Variants in SLC18B1 observed in about 807,000 individuals in gnomAD.
SLC18B1 encodes MFS-type transporter SLC18B1.
Under a neutral mutation model 53.9 loss-of-function variants are expected in SLC18B1, and 62 were observed. That is an observed-to-expected ratio of 1.15 (90% CI 0.94 to 1.42). SLC18B1 has a LOEUF of 1.42. Among genes scored for constraint, SLC18B1 ranks in the 40% most tolerant of loss-of-function variants. The pLI, the probability that SLC18B1 is intolerant of heterozygous loss-of-function variation, is 0.00. For synonymous variants in SLC18B1, 217 were observed against 200.9 expected (o/e 1.08, Z -0.68); for missense variants, 598 against 547.3 (o/e 1.09, Z -0.93).
Position 132,784,169 on chromosome 6 carries a change from T to A in SLC18B1, c.502-80A>T, listed in dbSNP as rs1035078423. 2.1e-5 allele frequency: 25 copies of A among 1,201,154 alleles called. No individual in the cohort carries two copies. In the Admixed American group the frequency reaches 6.9e-4, roughly 33 times the overall value. 74.4% of individuals were successfully genotyped at this position (1,201,154 alleles called of 1,614,324 possible). ...ATGGTACTATCTTTAAAAAAATTTC[T>A]ATCTTCTTCATAATTTACATACACA... On this transcript the variant is annotated intron_variant, in intron 5 of 13. Transcript: ENST00000275227.
chr6:132,777,050 T>A (rs1781116049), intron 7 of SLC18B1, among the ~76,000 whole-genome samples: 1 of 152,000 alleles, frequency 6.6e-6, no homozygotes, highest in African/African-American at 2.4e-5. Flanking sequence ...GGAAACCCCA[T>A]CTCTACTAAA....
At chr6:132,789,553 G>A (rs77080348) in intron 4 of SLC18B1, 29 of 463,144 alleles carry the variant, frequency 6.3e-5, no homozygotes, top group African/African-American at 5.4e-4. Context: ...TCAGTAGCAA[G>A]CATCACGGAG....
At chr6:132,777,677 G>A (rs986993148) in intron 7 of SLC18B1, among the ~76,000 whole-genome samples, 8 of 152,302 alleles carry the variant, frequency 5.3e-5, no homozygotes, top group South Asian at 2.1e-4. Flanking sequence ...TCGTGCCATT[G>A]CACTCCAGCC....
rs2114656491 is a variant in SLC18B1 at position 132,770,347 on chromosome 6, G to A, written c.1305-11C>T. The A allele has an allele frequency of 6.2e-7, 1 of 1,603,502 alleles. No homozygotes were observed. Among genetic ancestry groups the A allele is most frequent in the Non-Finnish European group, 8.5e-7 (1 of 1,170,588 alleles). Reference sequence around the variant, plus strand: ...TTTTGAGATTTAGACCTACATTGAGGGAAAGAAGAGATGAATCTCAATATT... The same window carrying A: ...TTTTGAGATTTAGACCTACATTGAGAGAAAGAAGAGATGAATCTCAATATT... On this transcript the variant is annotated splice_polypyrimidine_tract_variant and intron_variant, in intron 13 of 13. Coordinates refer to ENST00000275227, the MANE Select transcript of SLC18B1 (RefSeq NM_052831.3).
intron 6 of SLC18B1, among the ~76,000 whole-genome samples, chr6:132,780,286 A>G (rs558794572): frequency 2.6e-5 from 4 of 151,798 alleles, no homozygotes; most frequent in African/African-American, 9.7e-5. Context: ...TTTTTTAGAG[A>G]TGGGGTCTCC....
At chr6:132,796,250 G>A (rs537809225) in intron 2 of SLC18B1, among the ~76,000 whole-genome samples, 10 of 150,962 alleles carry the variant, frequency 6.6e-5, no homozygotes, top group African/African-American at 2.4e-4. Flanking sequence ...AGCTACTTGG[G>A]AGGCTGAGGC....
At chr6:132,789,114 T>C (rs115960544) in intron 4 of SLC18B1, among the ~76,000 whole-genome samples, 2,113 of 152,274 alleles carry the variant, frequency 0.014, 46 homozygotes, top group African/African-American at 0.045. Flanking sequence ...TTCACATCTG[T>C]TTTGCCTCTG....
chr6:132,797,066 CTGTTCTCTCGAAA>C lies in SLC18B1; in HGVS notation c.86_98del (p.Leu29ArgfsTer5). On this transcript the variant is annotated frameshift_variant, in exon 2 of 14. Transcript: ENST00000275227. LOFTEE classifies it high-confidence loss of function. ...AAGCTGCCGATATCAGTACAAAAAC[CTGTTCTCTCGAAA>C]GCCACCCGGGGGTCTCTCCTGCACT... 1.9e-6 allele frequency: 3 copies of C among 1,614,144 alleles called. No individual in the cohort carries two copies. Among genetic ancestry groups the C allele is most frequent in the Non-Finnish European group, 2.5e-6 (3 of 1,180,020 alleles).
At chr6:132,797,672 A>G in intron 1 of SLC18B1, among the ~76,000 whole-genome samples, 1 of 152,246 alleles carries the variant, frequency 6.6e-6, no homozygotes, top group East Asian at 1.9e-4. Context: ...GCAGTATTGA[A>G]GTCAAATGAA....
rs766539035 is a variant in SLC18B1 at position 132,772,992 on chromosome 6, C to T, written c.1085+1G>A. ...CTCTTCAAGCAATGGAAGTAACTTA[C>T]TGTGCACAACTGAGAATTTCCGGGA... On this transcript the variant is annotated splice_donor_variant, in intron 10 of 13. Transcript: ENST00000275227. LOFTEE classifies it high-confidence loss of function. 1.9e-6 allele frequency: 3 copies of T among 1,608,980 alleles called. No individual in the cohort carries two copies. Among genetic ancestry groups the T allele is most frequent in the South Asian group, 2.2e-5 (2 of 90,920 alleles).
intron 10 of SLC18B1, among the ~76,000 whole-genome samples, chr6:132,772,467 T>C (rs563580169): frequency 1.7e-3 from 262 of 152,216 alleles, no homozygotes; most frequent in African/African-American, 5.9e-3. Flanking sequence ...TAAATACTTA[T>C]AAAAATATAT....
intron 2 of SLC18B1, among the ~76,000 whole-genome samples, chr6:132,796,677 T>A (rs1781698851): frequency 6.6e-6 from 1 of 152,010 alleles, no homozygotes; most frequent in Non-Finnish European, 1.5e-5. Context: ...TTCAGTGCAC[T>A]CCTTTGTTTC....
intron 2 of SLC18B1, among the ~76,000 whole-genome samples, chr6:132,790,811 C>T (rs1439373800): frequency 1.3e-5 from 2 of 152,142 alleles, no homozygotes; most frequent in African/African-American, 4.8e-5. Context: ...GACAGTTTTC[C>T]ATCCTGTCAT....
Position 132,770,268 on chromosome 6 carries a change from G to A in SLC18B1, c.*2C>T, listed in dbSNP as rs755836943. 1.2e-6 allele frequency: 2 copies of A among 1,610,848 alleles called. No individual in the cohort carries two copies. The highest frequency in any genetic ancestry group is 8.5e-7 in the Non-Finnish European group (1 of 1,177,078). ...CCTTGTATCAATCCAGGATCCATCG[G>A]ACTAGGTTTCATTAGGCAAGAGAGT... On this transcript the variant is annotated 3_prime_UTR_variant, in exon 14 of 14. Coordinates refer to ENST00000275227, the MANE Select transcript of SLC18B1 (RefSeq NM_052831.3).
In SLC18B1 at chr6:132,782,032, A is replaced by G. The variant is rs187637242; in HGVS notation, c.658+1901T>C. ...GTGAAACTCTGTCTCTACTAAAAAT[A>G]GAAAAAGTACTCAGGTGTGGTGGCA... On this transcript the variant is annotated intron_variant, in intron 6 of 13. Transcript: ENST00000275227. Among the ~76,000 whole-genome samples, 972 of 151,824 alleles carry G rather than the reference A, an allele frequency of 6.4e-3. 5 individuals are homozygous for G. Among genetic ancestry groups the G allele is most frequent in the Middle Eastern group, 0.014 (4 of 292 alleles).
At chr6:132,791,750 T>A (rs1781528909) in intron 2 of SLC18B1, among the ~76,000 whole-genome samples, 1 of 152,092 alleles carries the variant, frequency 6.6e-6, no homozygotes, top group African/African-American at 2.4e-5. Flanking sequence ...TCCCTTTCCA[T>A]GTACTAATAA....
chr6:132,772,941 ATACT>A (rs748450032), intron 10 of SLC18B1, 48 bp downstream of exon 10: 8 of 1,312,296 alleles, frequency 6.1e-6, no homozygotes, highest in Non-Finnish European at 7.6e-6. Flanking sequence ...AAAGCCTGTG[ATACT>A]TACTACTTAT....
At chr6:132,795,190 A>G (rs1238116825) in intron 2 of SLC18B1, among the ~76,000 whole-genome samples, 1 of 152,206 alleles carries the variant, frequency 6.6e-6, no homozygotes, top group African/African-American at 2.4e-5. Context: ...ACAGTCTTAT[A>G]ACATTCTGGA....
Position 132,789,788 on chromosome 6 carries a change from G to A in SLC18B1, c.329C>T (p.Ser110Leu), listed in dbSNP as rs1380326216. ...CCCAAAGAGAATTGTAACTCCTCCTGAGACAAACATTCCTGCTACAAACAT... is the reference window on the plus strand; with the variant it reads ...CCCAAAGAGAATTGTAACTCCTCCTAAGACAAACATTCCTGCTACAAACAT... ...KFMFVAGMFV[S>L]GGVTILFGVL... is the part of the protein sequence containing the mutation. Residue 110 changes from serine to leucine, a missense_variant, in exon 4 of 14, where the codon TCA becomes TTA. Physicochemically the swap from Ser to Leu is moderately radical, Grantham distance 145. Coordinates refer to ENST00000275227, the MANE Select transcript of SLC18B1 (RefSeq NM_052831.3). 2 of 1,613,320 alleles carry A rather than the reference G, an allele frequency of 1.2e-6. No individual in the cohort carries two copies. Among genetic ancestry groups the A allele is most frequent in the South Asian group, 2.2e-5 (2 of 91,040 alleles).
Sources: gnomAD v4.1 joint callset for allele counts (sites outside exome capture counted in the v4.1 genomes callset) on GRCh38, gnomAD v4.1.1 for gene constraint, MANE v1.5 for transcripts, NCBI Gene and HGNC (gene_info 2026-07-23, HGNC 2026-07-21) for gene names.